The following ASRGL1 variants were observed in gnomAD, a reference collection of about 807,000 sequenced individuals.
ASRGL1 encodes isoaspartyl peptidase/L-asparaginase.
In ASRGL1, 16 loss-of-function variants were observed where a neutral mutation model predicts 22.4. The ratio of observed to expected loss-of-function variants is 0.71; its 90% CI spans 0.48 to 1.08. The LOEUF (loss-of-function observed/expected upper bound fraction) is 1.08. ASRGL1 is among the 50% of genes least tolerant of loss of function. ASRGL1 has a pLI of 0.00. For synonymous variants in ASRGL1, 165 were observed against 159.3 expected (o/e 1.04, Z -0.27); for missense variants, 412 against 410.1 (o/e 1.00, Z -0.04).
At chr11:62,384,867 G>A (rs1387464178) in intron 4 of ASRGL1, among the ~76,000 whole-genome samples, 5 of 132,980 alleles carry the variant, frequency 3.8e-5, no homozygotes, top group Non-Finnish European at 6.4e-5. Flanking sequence ...GCAGTGAGCC[G>A]AGATCACACG....
At chr11:62,337,791 C>T (rs531520954) in intron 1 of ASRGL1, 99 bp from the exon 2 acceptor site, 56 of 558,518 alleles carry the variant, frequency 1.0e-4, no homozygotes, top group African/African-American at 9.9e-4. Flanking sequence ...GGGCGCCGGG[C>T]CCCTGGGCTT....
intron 4 of ASRGL1, among the ~76,000 whole-genome samples, chr11:62,387,138 G>A (rs748985588): frequency 2.0e-5 from 3 of 151,208 alleles, no homozygotes; most frequent in Non-Finnish European, 4.4e-5. Flanking sequence ...GCTGACCTCA[G>A]GTGATCAGCC....
intron 2 of ASRGL1, among the ~76,000 whole-genome samples, chr11:62,353,406 G>A (rs1946211859): frequency 6.7e-6 from 1 of 149,416 alleles, no homozygotes; most frequent in South Asian, 2.1e-4. Flanking sequence ...GTACGGTGGT[G>A]TGATCACAGC....
intron 4 of ASRGL1, among the ~76,000 whole-genome samples, chr11:62,367,625 CAA>C (rs1946646671): frequency 6.6e-6 from 1 of 150,996 alleles, no homozygotes; most frequent in African/African-American, 2.4e-5. Context: ...GCCTGGGCAA[CAA>C]GAGCAAAACT....
rs1198478237 is a variant in ASRGL1 at position 62,392,827 on chromosome 11, G to C, written c.*543G>C. On this transcript the variant is annotated 3_prime_UTR_variant, in exon 7 of 7. Coordinates refer to ENST00000415229, the MANE Select transcript of ASRGL1 (RefSeq NM_001083926.2). ...ATCCTTTAAGGAAAATGTTCTTCAT[G>C]TATGAGAGACTAAAGTGATTTTTCT... 6.3e-6 allele frequency: 1 copy of C among 159,372 alleles called. No individual in the cohort carries two copies. Among genetic ancestry groups the C allele is most frequent in the Non-Finnish European group, 1.4e-5 (1 of 72,322 alleles). The allele number at this position is 159,372 out of a possible 1,614,324, so 9.9% of individuals were successfully genotyped here. A position where few individuals can be genotyped will look rare whatever the true frequency, so the allele number is the denominator to read the frequency against.
intron 4 of ASRGL1, among the ~76,000 whole-genome samples, chr11:62,362,157 G>T (rs1404674167): frequency 6.6e-6 from 1 of 151,966 alleles, no homozygotes; most frequent in African/African-American, 2.4e-5. Flanking sequence ...GCCACTAATG[G>T]TAGTGCTTTG....
chr11:62,370,043 C>T (rs982530426), intron 4 of ASRGL1, among the ~76,000 whole-genome samples: 11 of 152,144 alleles, frequency 7.2e-5, no homozygotes, highest in African/African-American at 2.4e-4. Flanking sequence ...GCAACTCCTG[C>T]CACAGCGGCC....
In ASRGL1 at chr11:62,383,562, C is replaced by T. The variant is rs1416582834; in HGVS notation, c.492-5571C>T. On this transcript the variant is annotated intron_variant, in intron 4 of 6. Coordinates refer to ENST00000415229, the MANE Select transcript of ASRGL1 (RefSeq NM_001083926.2). ...AGCTTGCAGTGAGCCGAGATCCCGC[C>T]ACTGCACTCCAGCCTGGGCGACAGA... Among the ~76,000 whole-genome samples, 5 of 137,326 alleles carry T rather than the reference C, an allele frequency of 3.6e-5. No homozygotes were observed. In the East Asian group the frequency reaches 1.1e-3, roughly 30 times the overall value. 90.1% of individuals were successfully genotyped at this position (137,326 alleles called of 152,430 possible). A position where few individuals can be genotyped will look rare whatever the true frequency, so the allele number is the denominator to read the frequency against.
chr11:62,356,303 T>A, intron 2 of ASRGL1, 22 bp from the exon 3 acceptor site: 1 of 1,611,904 alleles, frequency 6.2e-7, no homozygotes, highest in Non-Finnish European at 8.5e-7. Context: ...ATTCTTGCTT[T>A]TCAACTTCTT....
At chr11:62,351,375 C>A (rs547034382) in intron 2 of ASRGL1, among the ~76,000 whole-genome samples, 1 of 152,290 alleles carries the variant, frequency 6.6e-6, no homozygotes, top group Non-Finnish European at 1.5e-5. Flanking sequence ...TCTGGCTGAG[C>A]CTGGTGGCTC....
chr11:62,395,759 C>CTTTTTTTTTTT (rs564952668), downstream of ASRGL1, among the ~76,000 whole-genome samples: 15 of 71,940 alleles, frequency 2.1e-4, 1 homozygote, highest in Non-Finnish European at 2.9e-4. Flanking sequence ...GTAGCTGTTT[C>CTTTTTTTTTTT]TTTTTTTTTT....
intron 4 of ASRGL1, among the ~76,000 whole-genome samples, chr11:62,365,067 CAAAAA>C (rs771170549): frequency 3.7e-5 from 3 of 82,076 alleles, no homozygotes; most frequent in Admixed American, 1.3e-4. Context: ...AACTCCATCT[CAAAAA>C]AAAAAAAAAA....
intron 2 of ASRGL1, among the ~76,000 whole-genome samples, chr11:62,338,793 A>G (rs1945791354): frequency 6.6e-6 from 1 of 152,050 alleles, no homozygotes; most frequent in Admixed American, 6.5e-5. Flanking sequence ...AAGAAAAAAA[A>G]AAAAAGCCAG....
At chr11:62,393,658 CAG>C (rs1947391508), downstream of ASRGL1, among the ~76,000 whole-genome samples, 1 of 152,172 alleles carries the variant, frequency 6.6e-6, no homozygotes. Flanking sequence ...TCACCCCAGA[CAG>C]AGGTGCACAG....
At chr11:62,352,388 C>T (rs1477702798) in intron 2 of ASRGL1, among the ~76,000 whole-genome samples, 5 of 152,098 alleles carry the variant, frequency 3.3e-5, no homozygotes, top group African/African-American at 1.2e-4. Flanking sequence ...GAGTTTGAGA[C>T]CAGCCTGACC....
At chr11:62,355,503 C>T (rs1025873142) in intron 2 of ASRGL1, among the ~76,000 whole-genome samples, 7 of 151,920 alleles carry the variant, frequency 4.6e-5, no homozygotes, top group African/African-American at 1.5e-4. Context: ...GAATTACAGG[C>T]ATAAGCCGCT....
At chr11:62,383,464 G>A (rs1020530961) in intron 4 of ASRGL1, among the ~76,000 whole-genome samples, 11 of 150,800 alleles carry the variant, frequency 7.3e-5, no homozygotes, top group East Asian at 3.9e-4. Flanking sequence ...TTAGCCGGGC[G>A]TAGTGGCGGG....
Position 62,348,254 on chromosome 11 carries a change from A to G in ASRGL1, c.191-8071A>G, listed in dbSNP as rs77905994. The stretch of plus-strand genomic sequence containing the variant: ...ATCGTGGCATTGTAGTAAGGAAAAA[A>G]TTTAATAGACCACATGGCCAGCCAC... On this transcript the variant is annotated intron_variant, in intron 2 of 6. Transcript: ENST00000415229. Among the ~76,000 whole-genome samples, 664 of 152,222 alleles carry G rather than the reference A, an allele frequency of 4.4e-3. 2 individuals are homozygous for G. Among genetic ancestry groups the G allele is most frequent in the African/African-American group, 0.015 (615 of 41,542 alleles).
At chr11:62,338,638 A>G (rs960761314) in intron 2 of ASRGL1, among the ~76,000 whole-genome samples, 64 of 152,310 alleles carry the variant, frequency 4.2e-4, no homozygotes, top group African/African-American at 1.4e-3. Context: ...GGCTGCAGAT[A>G]GAATTAATAG....
Sources: gnomAD v4.1 joint callset for allele counts (sites outside exome capture counted in the v4.1 genomes callset) on GRCh38, gnomAD v4.1.1 for gene constraint, MANE v1.5 for transcripts, NCBI Gene and HGNC (gene_info 2026-07-23, HGNC 2026-07-21) for gene names.